Variants in PCDHGA7 observed in about 807,000 individuals in gnomAD.
PCDHGA7 encodes protocadherin gamma-A7.
PCDHGA7 carries 44 observed loss-of-function variants against 58.3 expected under a neutral mutation model. The ratio of observed to expected loss-of-function variants is 0.75; its 90% confidence interval spans 0.59 to 0.97. The LOEUF (loss-of-function observed/expected upper bound fraction) is 0.97. PCDHGA7 is among the 50% of genes least tolerant of loss of function. PCDHGA7 has a pLI of 0.00. For missense variants in PCDHGA7, 1,266 were observed against 1,188.7 expected, an observed-to-expected ratio of 1.06 and a Z score of -0.96; for synonymous variants, 516 against 504.2, an observed-to-expected ratio of 1.02 and a Z score of -0.31.
At chr5:141,447,283 G>T (rs1194678678) in intron 1 of PCDHGA7, among the ~76,000 whole-genome samples, 1 of 152,122 alleles carries the variant, frequency 6.6e-6, no homozygotes, top group East Asian at 1.9e-4. Context: ...GGGACTACAG[G>T]CACATGCCAC....
chr5:141,419,945 T>TTGGCCTTGATTTCTG (rs1205104698), intron 1 of PCDHGA7: 6 of 1,613,970 alleles, frequency 3.7e-6, no homozygotes, highest in Non-Finnish European at 4.2e-6. Flanking sequence ...GGTGGTGGCC[T>TTGGCCTTGATTTCTG]TGGCCTTGAT....
rs762866893 is a variant in PCDHGA7 at position 141,389,080 on chromosome 5, C to G, written c.2424+3757C>G. ...AAAATATTAACTTCTTCAAGAAACA[C>G]GTATAAATTAGTGACAGATGCTGTT... On this transcript the variant is annotated intron_variant, in intron 1 of 3. Transcript: ENST00000518325. 7 of 1,613,984 alleles carry G rather than the reference C, an allele frequency of 4.3e-6. No individual in the cohort carries two copies. The South Asian group carries it at 5.5e-5, about 13-fold the overall frequency.
At chr5:141,457,524 G>A (rs1427291573) in intron 1 of PCDHGA7, among the ~76,000 whole-genome samples, 1 of 152,188 alleles carries the variant, frequency 6.6e-6, no homozygotes, top group African/African-American at 2.4e-5. Context: ...CAATTAATGA[G>A]ACTAGGGTTT....
At chr5:141,506,462 AAAAG>A (rs1396142744) in intron 3 of PCDHGA7, among the ~76,000 whole-genome samples, 1 of 151,856 alleles carries the variant, frequency 6.6e-6, no homozygotes, top group African/African-American at 2.4e-5. Flanking sequence ...AAAAAAAAAA[AAAAG>A]AGCACAGGCT....
chr5:141,452,914 TAAGA>T (rs1164409830), intron 1 of PCDHGA7, among the ~76,000 whole-genome samples: 1 of 152,226 alleles, frequency 6.6e-6, no homozygotes, highest in African/African-American at 2.4e-5. Flanking sequence ...CATTATACAG[TAAGA>T]AAGAGCTGCT....
chr5:141,413,049 A>C (rs2095599926), intron 1 of PCDHGA7: 5 of 904,176 alleles, frequency 5.5e-6, no homozygotes, highest in Non-Finnish European at 8.1e-6. Context: ...GCTGCAGGGA[A>C]GCTCACTCCA....
intron 1 of PCDHGA7, chr5:141,413,304 A>G: frequency 6.2e-7 from 1 of 1,613,982 alleles, no homozygotes; most frequent in Non-Finnish European, 8.5e-7. Context: ...CTGAGGAATT[A>G]GAGAAAGGCT....
In PCDHGA7 at chr5:141,491,893, G is replaced by A; in HGVS notation, c.2425-2914G>A. The stretch of plus-strand genomic sequence containing the variant: ...GGCCGATTAAGGGATGGGGCTCCGA[G>A]CACCGGGGGTGGTGGCGACTGTGGG... On this transcript the variant is annotated intron_variant, in intron 1 of 3. Transcript: ENST00000518325. This position sits in a 1 kb window ranked among gnomAD's most constrained non-coding sequence, Gnocchi z 6.9. 9 of 1,438,856 alleles carry A rather than the reference G, an allele frequency of 6.3e-6. No individual in the cohort carries two copies. Among genetic ancestry groups the A allele is most frequent in the Non-Finnish European group, 8.3e-6 (9 of 1,088,104 alleles). 89.1% of individuals were successfully genotyped at this position (1,438,856 alleles called of 1,614,324 possible). A position where few individuals can be genotyped will look rare whatever the true frequency, so the allele number is the denominator to read the frequency against.
chr5:141,443,826 G>C (rs955306823), intron 1 of PCDHGA7, among the ~76,000 whole-genome samples: 1 of 151,978 alleles, frequency 6.6e-6, no homozygotes, highest in African/African-American at 2.4e-5. Flanking sequence ...AACATAATTA[G>C]GTAAAATGGG....
chr5:141,382,997 A>G lies in PCDHGA7; in HGVS notation c.98A>G (p.Tyr33Cys), dbSNP rs1209270277. Residue 33 changes from tyrosine (Y) to cysteine (C), a missense_variant, in exon 1 of 4, where the codon TAC (tyrosine) becomes TGC (cysteine). Transcript: ENST00000518325. ...PWEAWAGRIL[Y>C]SVSEETDKGS... Reference sequence around the variant, plus strand: ...GAAGCCTGGGCAGGACGTATTCTCTACTCCGTGTCGGAGGAGACGGACAAA... The same window carrying G: ...GAAGCCTGGGCAGGACGTATTCTCTGCTCCGTGTCGGAGGAGACGGACAAA... 1 of 1,613,426 alleles carries G rather than the reference A, an allele frequency of 6.2e-7. No individual in the cohort carries two copies. Among genetic ancestry groups the G allele is most frequent in the Non-Finnish European group, 8.5e-7 (1 of 1,179,728 alleles).
chr5:141,397,974 C>A (rs1248429844), intron 1 of PCDHGA7: 3 of 1,174,340 alleles, frequency 2.6e-6, no homozygotes, highest in African/African-American at 1.6e-5. Flanking sequence ...TCCCCAGCGC[C>A]GGCCTTTACA....
At chr5:141,403,772 A>G in intron 1 of PCDHGA7, 1 of 1,613,960 alleles carries the variant, frequency 6.2e-7, no homozygotes, top group Middle Eastern at 1.7e-4. Flanking sequence ...TGAGGGAATC[A>G]ACGGAAAAGT....
chr5:141,415,651 A>C, intron 1 of PCDHGA7: 1 of 1,595,106 alleles, frequency 6.3e-7, no homozygotes. Context: ...TAAAAAAAAA[A>C]AGATTGGTTT....
intron 1 of PCDHGA7, among the ~76,000 whole-genome samples, chr5:141,433,790 T>A (rs1052636810): frequency 2.0e-5 from 3 of 151,564 alleles, no homozygotes; most frequent in South Asian, 4.2e-4. Flanking sequence ...TGAGCTGAGA[T>A]TGTGCCATTG....
chr5:141,400,189 C>T (rs376855933), intron 1 of PCDHGA7: 52 of 1,613,938 alleles, frequency 3.2e-5, no homozygotes, highest in Non-Finnish European at 4.2e-5. Flanking sequence ...GCAGTTTTAC[C>T]TAGTGGTGGC....
At chr5:141,409,596 A>G in intron 1 of PCDHGA7, 1 of 1,613,714 alleles carries the variant, frequency 6.2e-7, no homozygotes, top group Non-Finnish European at 8.5e-7. Flanking sequence ...GCCGAGAACA[A>G]CCCGCCAGGA....
chr5:141,389,233 T>C (rs1374129511), intron 1 of PCDHGA7: 1 of 1,613,926 alleles, frequency 6.2e-7, no homozygotes, highest in Non-Finnish European at 8.5e-7. Context: ...GCTCCGGTTT[T>C]CTCACAGTCT....
intron 2 of PCDHGA7, among the ~76,000 whole-genome samples, chr5:141,495,826 A>G (rs1190417828): frequency 6.6e-6 from 1 of 150,888 alleles, no homozygotes; most frequent in African/African-American, 2.4e-5. Flanking sequence ...GTGTTCTTCT[A>G]TCCCCAGCCT....
chr5:141,510,821 C>G, intron 3 of PCDHGA7, 126 bp from the exon 4 acceptor site: 2 of 1,559,324 alleles, frequency 1.3e-6, no homozygotes, highest in Non-Finnish European at 1.7e-6. Context: ...CCCCTATATT[C>G]CCAGTGCTCA....
Sources: gnomAD v4.1 joint callset for allele counts (sites outside exome capture counted in the v4.1 genomes callset) on GRCh38, gnomAD v4.1.1 for gene constraint, Gnocchi (gnomAD v3.1) non-coding constraint, MANE v1.5 for transcripts, NCBI Gene and HGNC (gene_info 2026-07-23, HGNC 2026-07-21) for gene names.